Variants in SLC35F3 observed in about 807,000 individuals in gnomAD.
SLC35F3 encodes solute carrier family 35 member F3.
A neutral mutation model predicts 49.9 loss-of-function variants in SLC35F3; 25 were observed. The ratio of observed to expected loss-of-function variants is 0.50; its 90% CI spans 0.37 to 0.70. The LOEUF is 0.70. Among genes scored for constraint, SLC35F3 ranks in the 30% least tolerant of loss-of-function variants. SLC35F3 has a pLI of 0.00. For missense variants in SLC35F3, 525 were observed against 639.8 expected (o/e 0.82, Z 1.94); for synonymous variants, 275 against 265.4 (o/e 1.04, Z -0.35).
chr1:234,311,348 G>A (rs924699461), intron 4 of SLC35F3, among the ~76,000 whole-genome samples: 1 of 152,202 alleles, frequency 6.6e-6, no homozygotes, highest in Non-Finnish European at 1.5e-5. Flanking sequence ...TGGTGCATGG[G>A]ACCGCTCAGA....
At chr1:234,311,504 C>CTTA (rs1176568666) in intron 4 of SLC35F3, among the ~76,000 whole-genome samples, 1 of 152,194 alleles carries the variant, frequency 6.6e-6, no homozygotes, top group African/African-American at 2.4e-5. Context: ...AAGGCACAGC[C>CTTA]TTATGTTTGT....
At chr1:234,189,018 A>C (rs2102927858) in intron 2 of SLC35F3, among the ~76,000 whole-genome samples, 1 of 152,244 alleles carries the variant, frequency 6.6e-6, no homozygotes, top group East Asian at 1.9e-4. Context: ...AGAGTACTAC[A>C]TCCAAGGGAG....
chr1:234,044,839 G>T (rs1289649972), intron 2 of SLC35F3, among the ~76,000 whole-genome samples: 1 of 152,108 alleles, frequency 6.6e-6, no homozygotes, highest in East Asian at 1.9e-4. Context: ...ATGGGTGGTA[G>T]TTATCATATG....
chr1:234,302,855 A>C (rs1217449457), intron 3 of SLC35F3, among the ~76,000 whole-genome samples: 3 of 151,992 alleles, frequency 2.0e-5, no homozygotes, highest in Non-Finnish European at 4.4e-5. Context: ...CCTCTCTCTT[A>C]TGTGTTTTTA....
chr1:234,145,509 A>G (rs1665983146), intron 2 of SLC35F3, among the ~76,000 whole-genome samples: 1 of 152,096 alleles, frequency 6.6e-6, no homozygotes, highest in Admixed American at 6.5e-5. Context: ...GTTGTTAGAG[A>G]CATGCAGTCA....
intron 2 of SLC35F3, among the ~76,000 whole-genome samples, chr1:234,022,939 T>C (rs1465922148): frequency 2.0e-5 from 3 of 152,260 alleles, no homozygotes; most frequent in Non-Finnish European, 4.4e-5. Flanking sequence ...GTTCAGTCTA[T>C]TAGAGGTGTC....
chr1:234,220,135 G>A (rs917031085), intron 2 of SLC35F3, among the ~76,000 whole-genome samples: 11 of 150,912 alleles, frequency 7.3e-5, no homozygotes, highest in African/African-American at 2.7e-4. Flanking sequence ...GAGAAAAGAC[G>A]GTCATGGGCA....
At chr1:234,064,661 T>G (rs1428728495) in intron 2 of SLC35F3, among the ~76,000 whole-genome samples, 1 of 152,192 alleles carries the variant, frequency 6.6e-6, no homozygotes, top group African/African-American at 2.4e-5. Flanking sequence ...TCCGCAGGAT[T>G]TTAATGTGTG....
At chr1:234,117,251 C>G (rs893880642) in intron 2 of SLC35F3, among the ~76,000 whole-genome samples, 9 of 152,118 alleles carry the variant, frequency 5.9e-5, no homozygotes, top group African/African-American at 2.2e-4. Flanking sequence ...GATGTTGACC[C>G]CAAACAGCTC....
chr1:233,961,254 C>G (rs1662796390), intron 2 of SLC35F3, among the ~76,000 whole-genome samples: 1 of 152,108 alleles, frequency 6.6e-6, no homozygotes, highest in Non-Finnish European at 1.5e-5. Flanking sequence ...AAGGCACTCT[C>G]TGTGCCTTGC....
At chr1:234,044,734 G>A (rs899627939) in intron 2 of SLC35F3, among the ~76,000 whole-genome samples, 3 of 152,034 alleles carry the variant, frequency 2.0e-5, no homozygotes, top group African/African-American at 4.8e-5. Context: ...TGCATTTTCT[G>A]TGCATTTCCT....
At chr1:234,079,865 T>C (rs1309712769) in intron 2 of SLC35F3, among the ~76,000 whole-genome samples, 1 of 152,186 alleles carries the variant, frequency 6.6e-6, no homozygotes. Context: ...AGTGTGATAG[T>C]GTGATATAAA....
intron 3 of SLC35F3, chr1:234,272,570 G>T (rs959996221): frequency 6.6e-6 from 1 of 152,308 alleles, no homozygotes; most frequent in Non-Finnish European, 1.5e-5. Flanking sequence ...TCGAGAGATG[G>T]ATGAGGACTT....
At chr1:234,222,075 T>C (rs1667214826) in intron 2 of SLC35F3, among the ~76,000 whole-genome samples, 1 of 152,176 alleles carries the variant, frequency 6.6e-6, no homozygotes, top group African/African-American at 2.4e-5. Flanking sequence ...TAGATTTTGG[T>C]ATTTGAGCAG....
intron 2 of SLC35F3, among the ~76,000 whole-genome samples, chr1:234,130,060 A>G (rs12096833): frequency 0.018 from 2,759 of 152,302 alleles, 77 homozygotes; most frequent in African/African-American, 0.063. Context: ...AAACTCGAAG[A>G]CACCATTTAG....
intron 2 of SLC35F3, among the ~76,000 whole-genome samples, chr1:234,129,345 C>G (rs1294641163): frequency 3.3e-5 from 5 of 152,100 alleles, no homozygotes; most frequent in Admixed American, 1.3e-4. Flanking sequence ...ACAATAGACT[C>G]AAAAACACCA....
intron 2 of SLC35F3, among the ~76,000 whole-genome samples, chr1:234,081,776 T>A (rs1316172818): frequency 6.6e-6 from 1 of 151,784 alleles, no homozygotes; most frequent in African/African-American, 2.4e-5. Context: ...CTCACTCTGT[T>A]GCCCAGGCTG....
In SLC35F3 at chr1:234,302,224, A is replaced by G. The variant is rs117097750; in HGVS notation, c.609-6877A>G. Reference sequence around the variant, plus strand: ...GAAGAATACCAAAGAAGGCCTACAGAGGAAGTCTAGAGGATGTGGAGAGGT... The same window carrying G: ...GAAGAATACCAAAGAAGGCCTACAGGGGAAGTCTAGAGGATGTGGAGAGGT... On this transcript the variant is annotated intron_variant, in intron 3 of 7. Coordinates refer to ENST00000366618, the MANE Select transcript of SLC35F3 (RefSeq NM_173508.4). Among the ~76,000 whole-genome samples, 54 of 152,218 alleles carry G rather than the reference A, an allele frequency of 3.5e-4. No individual in the cohort carries two copies. In the East Asian group the frequency reaches 0.01, roughly 29 times the overall value.
intron 2 of SLC35F3, among the ~76,000 whole-genome samples, chr1:233,916,051 A>G (rs1661964178): frequency 6.6e-6 from 1 of 152,182 alleles, no homozygotes; most frequent in Non-Finnish European, 1.5e-5. Flanking sequence ...CCATGGCAAA[A>G]GTGCATTACA....
Sources: gnomAD v4.1 joint callset for allele counts (sites outside exome capture counted in the v4.1 genomes callset) on GRCh38, gnomAD v4.1.1 for gene constraint, MANE v1.5 for transcripts, NCBI Gene and HGNC (gene_info 2026-07-23, HGNC 2026-07-21) for gene names.